The following TTC4 variants were observed in gnomAD, a reference collection of about 807,000 sequenced individuals.
TTC4 encodes tetratricopeptide repeat domain 4.
In TTC4, 36 loss-of-function variants were observed where a neutral mutation model predicts 51.9. That is an observed-to-expected ratio of 0.69 (90% CI 0.53 to 0.92). TTC4 has a LOEUF of 0.92. Ranked by LOEUF, TTC4 falls within the 40% of genes least tolerant of loss-of-function variation. The probability of loss-of-function intolerance (pLI) is 0.00; values close to 1 mark genes in which losing one functional copy is unlikely to be tolerated. For synonymous variants in TTC4, 144 were observed against 164.2 expected (o/e 0.88, Z 0.94); for missense variants, 399 against 454.6 (o/e 0.88, Z 1.11).
At position 54,728,208 on chromosome 1, in the gene TTC4, C is replaced by G. The variant is rs1426148156; in HGVS notation, c.595-138C>G. 3 of 654,688 alleles carry G rather than the reference C, an allele frequency of 4.6e-6. No homozygotes were observed. In the African/African-American group the frequency reaches 5.5e-5, roughly 12 times the overall value. The allele number at this position is 654,688 out of a possible 1,614,324, so 40.6% of individuals were successfully genotyped here. A position where few individuals can be genotyped will look rare whatever the true frequency, so the allele number is the denominator to read the frequency against. The stretch of plus-strand genomic sequence containing the variant: ...ATGTACTTTGTAAATGTTTATTGAA[C>G]TGAATCTGGCCACTGGTATTCCTTA... On this transcript the variant is annotated intron_variant, in intron 5 of 9. Coordinates refer to ENST00000371281, the MANE Select transcript of TTC4 (RefSeq NM_004623.5).
intron 8 of TTC4, among the ~76,000 whole-genome samples, chr1:54,734,933 C>T (rs1191901040): frequency 3.3e-5 from 5 of 152,222 alleles, no homozygotes; most frequent in African/African-American, 9.6e-5. Context: ...ACCATCTAAC[C>T]CTCAGACTCC....
chr1:54,738,680 C>T (rs568647479), intron 9 of TTC4, among the ~76,000 whole-genome samples: 4 of 116,426 alleles, frequency 3.4e-5, no homozygotes, highest in East Asian at 2.7e-4. Context: ...TTTTTTGAGA[C>T]GACATCTCGC....
intron 8 of TTC4, among the ~76,000 whole-genome samples, chr1:54,736,217 A>T (rs1178730044): frequency 0.032 from 3,992 of 125,004 alleles, 444 homozygotes; most frequent in African/African-American, 0.08. Context: ...AGAGAGAGAG[A>T]GAGAGAAGAG....
Position 54,741,462 on chromosome 1 carries a change from T to C in TTC4, c.1113T>C (p.Ser371=), listed in dbSNP as rs1646009548. The change falls in exon 10 of 10, where the codon TCT becomes TCC. Residue 371 remains serine (S), a synonymous_variant. Coordinates refer to ENST00000371281, the MANE Select transcript of TTC4 (RefSeq NM_004623.5). ...TPAFLVCVGS[S]PFCKNFLRGR... Reference sequence around the variant, plus strand: ...CATTTTTGGTCTGTGTAGGATCCTCTCCTTTTTGCAAGAATTTTCTCCGGG... The same window carrying C: ...CATTTTTGGTCTGTGTAGGATCCTCCCCTTTTTGCAAGAATTTTCTCCGGG... The C allele has an allele frequency of 6.2e-7, 1 of 1,614,046 alleles. No homozygotes were observed. Among genetic ancestry groups the C allele is most frequent in the African/African-American group, 1.3e-5 (1 of 74,906 alleles).
intron 2 of TTC4, 40 bp downstream of exon 2, chr1:54,716,757 G>C: frequency 6.5e-7 from 1 of 1,529,092 alleles, no homozygotes; most frequent in Non-Finnish European, 9.0e-7. Context: ...TGTTTCCATT[G>C]AACTGAAATT....
intron 5 of TTC4, among the ~76,000 whole-genome samples, chr1:54,727,067 A>C (rs1191183472): frequency 1.3e-5 from 2 of 151,058 alleles, no homozygotes; most frequent in African/African-American, 2.5e-5. Context: ...AAAAAAAAAA[A>C]AAAACAAAAT....
chr1:54,725,798 A>G (rs761784059), intron 5 of TTC4, among the ~76,000 whole-genome samples: 1 of 152,280 alleles, frequency 6.6e-6, no homozygotes, highest in Non-Finnish European at 1.5e-5. Context: ...AGAACTTAAC[A>G]GAAGTTCTGT....
intron 3 of TTC4, among the ~76,000 whole-genome samples, chr1:54,718,217 C>T (rs1368603869): frequency 1.3e-5 from 2 of 151,844 alleles, no homozygotes; most frequent in Non-Finnish European, 2.9e-5. Flanking sequence ...CCTGTCTCTC[C>T]AAAAATTTAG....
At chr1:54,724,266 T>C (rs1645775640) in intron 5 of TTC4, among the ~76,000 whole-genome samples, 1 of 145,648 alleles carries the variant, frequency 6.9e-6, no homozygotes, top group African/African-American at 2.7e-5. Flanking sequence ...GAAGCTTTTT[T>C]TCTTTTTTTT....
chr1:54,725,259 G>A (rs1645785984), intron 5 of TTC4, among the ~76,000 whole-genome samples: 1 of 152,196 alleles, frequency 6.6e-6, no homozygotes, highest in Admixed American at 6.5e-5. Context: ...ATGAAAAGGT[G>A]GGAGAGAATT....
intron 7 of TTC4, among the ~76,000 whole-genome samples, chr1:54,732,347 T>G (rs1645877166): frequency 6.9e-6 from 1 of 144,686 alleles, no homozygotes; most frequent in South Asian, 2.1e-4. Flanking sequence ...AAAAAAGAGA[T>G]ATATGTATGT....
intron 6 of TTC4, 141 bp from the exon 7 acceptor site, chr1:54,731,345 C>A: frequency 1.4e-6 from 1 of 719,176 alleles, no homozygotes; most frequent in Non-Finnish European, 2.1e-6. Flanking sequence ...AGTGAAACTC[C>A]GTCTCTTCAA....
At chr1:54,718,722 A>G (rs1176732875) in intron 3 of TTC4, among the ~76,000 whole-genome samples, 1 of 152,188 alleles carries the variant, frequency 6.6e-6, no homozygotes, top group East Asian at 1.9e-4. Flanking sequence ...AAATTTGGGA[A>G]ATGATTATTT....
intron 3 of TTC4, among the ~76,000 whole-genome samples, chr1:54,718,173 G>A (rs896459885): frequency 1.3e-5 from 2 of 152,116 alleles, no homozygotes; most frequent in Non-Finnish European, 2.9e-5. Flanking sequence ...CTGAGGCCAG[G>A]AGTTCAAGAC....
intron 6 of TTC4, 37 bp downstream of exon 6, chr1:54,728,469 AAATCCACT>A (rs1570048306): frequency 1.9e-6 from 3 of 1,576,784 alleles, no homozygotes; most frequent in East Asian, 4.6e-5. Flanking sequence ...TGGTCCTGCT[AAATCCACT>A]AATCCTGTGA....
intron 5 of TTC4, 22 bp from the exon 6 acceptor site, chr1:54,728,324 T>C (rs1645825471): frequency 6.2e-7 from 1 of 1,605,132 alleles, no homozygotes; most frequent in African/African-American, 1.3e-5. Flanking sequence ...CTAGAGCTGA[T>C]GCATCTAAAT....
chr1:54,732,686 C>G (rs1249968066), intron 7 of TTC4, among the ~76,000 whole-genome samples: 2 of 151,888 alleles, frequency 1.3e-5, no homozygotes, highest in Non-Finnish European at 2.9e-5. Context: ...TCTTGAACTC[C>G]TGGGCTCGAA....
At chr1:54,737,742 C>T in intron 9 of TTC4, 78 bp downstream of exon 9, 3 of 1,406,746 alleles carry the variant, frequency 2.1e-6, no homozygotes, top group Non-Finnish European at 3.0e-6. Flanking sequence ...CTGATAAAGA[C>T]ATACCTGAGA....
At chr1:54,730,978 T>C (rs1229791728) in intron 6 of TTC4, among the ~76,000 whole-genome samples, 1 of 152,174 alleles carries the variant, frequency 6.6e-6, no homozygotes, top group Non-Finnish European at 1.5e-5. Context: ...TCGTCTATGG[T>C]ACTACAACTC....
Sources: allele counts gnomAD v4.1 joint callset (sites outside exome capture counted in the v4.1 genomes callset), GRCh38; gene constraint gnomAD v4.1.1; transcripts MANE v1.5; gene names NCBI Gene and HGNC (gene_info 2026-07-23, HGNC 2026-07-21).